The following UGT1A5 variants were observed in gnomAD, a reference collection of about 807,000 sequenced individuals.
UGT1A5 encodes the protein UDP glucuronosyltransferase family 1 member A5, also known as UDP-glucuronosyltransferase 1A5.
UGT1A5 carries 29 observed loss-of-function variants against 40.3 expected under a neutral mutation model. That is an observed-to-expected ratio of 0.72 (90% confidence interval 0.54 to 0.98). UGT1A5 has a LOEUF of 0.98. Ranked by LOEUF, UGT1A5 falls within the 50% of genes least tolerant of loss-of-function variation. The pLI is 0.00. For missense variants in UGT1A5, 678 were observed against 677.9 expected, an observed-to-expected ratio of 1.00 and a Z score of 0.00; for synonymous variants, 257 against 262.5, an observed-to-expected ratio of 0.98 and a Z score of 0.20.
chr2:233,718,197 C>T (rs1417853211), intron 1 of UGT1A5, among the ~76,000 whole-genome samples: 5 of 152,036 alleles, frequency 3.3e-5, no homozygotes, highest in South Asian at 4.1e-4. Context: ...CTCCCCGGAG[C>T]TTTTTTTTAT....
chr2:233,761,815 G>A (rs928491400), intron 1 of UGT1A5, among the ~76,000 whole-genome samples: 1 of 152,190 alleles, frequency 6.6e-6, no homozygotes, highest in African/African-American at 2.4e-5. Context: ...GAACAGGAGA[G>A]GCTCCTTCAG....
At chr2:233,771,290 T>C (rs1700276789) in intron 4 of UGT1A5, 1 of 152,250 alleles carries the variant, frequency 6.6e-6, no homozygotes, top group African/African-American at 2.4e-5. Context: ...CCTTTTCTTT[T>C]CTACTTCCTC....
chr2:233,761,671 C>T (rs1489520357), intron 1 of UGT1A5, among the ~76,000 whole-genome samples: 1 of 152,240 alleles, frequency 6.6e-6, no homozygotes, highest in Non-Finnish European at 1.5e-5. Flanking sequence ...ACCAGACAGT[C>T]AGGTTCTGAC....
At chr2:233,764,627 A>C (rs2126011336) in intron 1 of UGT1A5, among the ~76,000 whole-genome samples, 1 of 152,212 alleles carries the variant, frequency 6.6e-6, no homozygotes, top group South Asian at 2.1e-4. Flanking sequence ...CATGAAGAGC[A>C]AAGGTCCTAG....
intron 1 of UGT1A5, chr2:233,754,551 G>A (rs1002351204): frequency 7.8e-6 from 3 of 386,102 alleles, no homozygotes; most frequent in African/African-American, 4.2e-5. Context: ...ATTACTTGGT[G>A]TCAATGGGGA....
intron 1 of UGT1A5, among the ~76,000 whole-genome samples, chr2:233,737,298 C>T (rs370830407): frequency 3.9e-5 from 6 of 152,366 alleles, no homozygotes; most frequent in South Asian, 4.1e-4. Context: ...TGCCGCCTCA[C>T]AGTTCAATCT....
chr2:233,765,218 C>T (rs1413075025), intron 1 of UGT1A5, among the ~76,000 whole-genome samples: 1 of 152,118 alleles, frequency 6.6e-6, no homozygotes, highest in African/African-American at 2.4e-5. Flanking sequence ...GTATTCTTTG[C>T]AAACATAAAA....
At chr2:233,750,935 G>GCC (rs1240414460) in intron 1 of UGT1A5, among the ~76,000 whole-genome samples, 5 of 151,828 alleles carry the variant, frequency 3.3e-5, no homozygotes, top group Non-Finnish European at 7.3e-5. Flanking sequence ...TGAGGTTGGA[G>GCC]CCCCCACACA....
At chr2:233,738,274 T>G (rs890858116) in intron 1 of UGT1A5, among the ~76,000 whole-genome samples, 8 of 152,200 alleles carry the variant, frequency 5.3e-5, no homozygotes, top group Non-Finnish European at 1.2e-4. Flanking sequence ...GCTCTTTCCT[T>G]TATAAATTAC....
intron 1 of UGT1A5, among the ~76,000 whole-genome samples, chr2:233,723,530 T>TC (rs1471912682): frequency 8.7e-6 from 1 of 114,776 alleles, no homozygotes; most frequent in African/African-American, 3.5e-5. Context: ...TTTTTTTTTT[T>TC]TTTTTTAATT....
At chr2:233,729,131 C>A (rs1449948739) in intron 1 of UGT1A5, 2 of 1,613,182 alleles carry the variant, frequency 1.2e-6, no homozygotes, top group East Asian at 4.5e-5. Context: ...GCTGAGATGG[C>A]CACAGGACTC....
Position 233,738,328 on chromosome 2 carries a change from T to C in UGT1A5, c.867+24470T>C, listed in dbSNP as rs1690764022. 1.3e-5 allele frequency among the ~76,000 whole-genome samples: 2 copies of C among 152,220 alleles called. 1 individual carries two copies. Among genetic ancestry groups the C allele is most frequent in the South Asian group, 4.1e-4 (2 of 4,828 alleles). On this transcript the variant is annotated intron_variant, in intron 1 of 4. Coordinates refer to ENST00000373414, the MANE Select transcript of UGT1A5 (RefSeq NM_019078.2). ...TTATAGCAGTGTGTGAATGGACTAA[T>C]ACAGTAAATTGGTGTCATGGAGAGT...
At chr2:233,727,858 G>A (rs2077658593) in intron 1 of UGT1A5, among the ~76,000 whole-genome samples, 1 of 152,180 alleles carries the variant, frequency 6.6e-6, no homozygotes, top group Non-Finnish European at 1.5e-5. Flanking sequence ...TCCTCCCTAA[G>A]GGAAGCCTCA....
At chr2:233,724,972 G>A (rs897028674) in intron 1 of UGT1A5, among the ~76,000 whole-genome samples, 4 of 135,404 alleles carry the variant, frequency 3.0e-5, no homozygotes, top group South Asian at 2.5e-4. Context: ...CGAGGTTGGC[G>A]GATCACTCGC....
At chr2:233,737,822 A>G (rs1690601410) in intron 1 of UGT1A5, among the ~76,000 whole-genome samples, 1 of 152,126 alleles carries the variant, frequency 6.6e-6, no homozygotes, top group African/African-American at 2.4e-5. Flanking sequence ...GGAGCAGAAC[A>G]AATTGGGAAC....
At chr2:233,716,567 A>G (rs181280282) in intron 1 of UGT1A5, among the ~76,000 whole-genome samples, 81 of 152,206 alleles carry the variant, frequency 5.3e-4, no homozygotes, top group Admixed American at 1.1e-3. Context: ...TTCATTTTTT[A>G]AAAACAATAC....
chr2:233,719,326 CTG>C, intron 1 of UGT1A5: 1 of 1,613,946 alleles, frequency 6.2e-7, no homozygotes. Context: ...TCGATTCCTG[CTG>C]TGTTTTTTTG....
chr2:233,769,918 G>T lies in UGT1A5; in HGVS notation c.1307+1479G>T. ...TGAGCATCATGTGCCCAGAGCGTTG[G>T]GTGGTGTGGTCCCATTCCTTCCTTC... is the stretch of plus-strand genomic sequence containing the variant. On this transcript the variant is annotated intron_variant, in intron 4 of 4. Coordinates refer to ENST00000373414, the MANE Select transcript of UGT1A5 (RefSeq NM_019078.2). This position sits in a 1 kb window ranked among gnomAD's most constrained non-coding sequence, Gnocchi z 4.4. The T allele has an allele frequency of 3.5e-6, 1 of 286,558 alleles. No homozygotes were observed. The highest frequency in any genetic ancestry group is 6.5e-6 in the Non-Finnish European group (1 of 153,120). 17.8% of individuals were successfully genotyped at this position (286,558 alleles called of 1,614,324 possible). A position where few individuals can be genotyped will look rare whatever the true frequency, so the allele number is the denominator to read the frequency against.
chr2:233,761,267 C>T, intron 1 of UGT1A5: 1 of 1,593,550 alleles, frequency 6.3e-7, no homozygotes, highest in South Asian at 1.1e-5. Flanking sequence ...TTTAAAATGC[C>T]CTCTTTTGTT....
Sources: gnomAD v4.1 joint callset for allele counts (sites outside exome capture counted in the v4.1 genomes callset) on GRCh38, gnomAD v4.1.1 for gene constraint, Gnocchi (gnomAD v3.1) non-coding constraint, MANE v1.5 for transcripts, NCBI Gene and HGNC (gene_info 2026-07-23, HGNC 2026-07-21) for gene names.